BTBD7: variants seen among roughly 807,000 people sequenced by gnomAD.
BTBD7 encodes BTB/POZ domain-containing protein 7.
Under a neutral mutation model 99.9 loss-of-function variants are expected in BTBD7, and 38 were observed. The ratio of observed to expected loss-of-function variants is 0.38; its 90% confidence interval spans 0.29 to 0.50. BTBD7 has a LOEUF of 0.50. Among genes scored for constraint, BTBD7 ranks in the 20% least tolerant of loss-of-function variants. The pLI, the probability that BTBD7 is intolerant of heterozygous loss-of-function variation, is 0.93. For missense variants in BTBD7, 1,170 were observed against 1,394.6 expected (o/e 0.84, Z 2.57); for synonymous variants, 520 against 511.4 (o/e 1.02, Z -0.23).
chr14:93,311,741 TTTAA>T (rs1314006469), intron 1 of BTBD7, among the ~76,000 whole-genome samples: 2 of 130,014 alleles, frequency 1.5e-5, no homozygotes, highest in African/African-American at 3.2e-5. Context: ...TGAAAATATT[TTTAA>T]TTTTTTTTTT....
chr14:93,329,109 G>GA (rs1386612981), intron 1 of BTBD7, among the ~76,000 whole-genome samples: 2 of 152,164 alleles, frequency 1.3e-5, no homozygotes, highest in East Asian at 3.9e-4. Context: ...CAGAATGGGA[G>GA]AAAACATTTG....
At chr14:93,258,081 T>A (rs566153690) in intron 5 of BTBD7, among the ~76,000 whole-genome samples, 1 of 152,260 alleles carries the variant, frequency 6.6e-6, no homozygotes, top group Non-Finnish European at 1.5e-5. Context: ...ATCATGGCTT[T>A]AATCTAGGGG....
At chr14:93,291,265 C>T (rs1266181402) in intron 3 of BTBD7, among the ~76,000 whole-genome samples, 1 of 152,094 alleles carries the variant, frequency 6.6e-6, no homozygotes, top group East Asian at 1.9e-4. Flanking sequence ...ACAGGTGCTA[C>T]TCAGATCATT....
intron 7 of BTBD7, among the ~76,000 whole-genome samples, chr14:93,252,900 T>C (rs2052385021): frequency 2.0e-5 from 3 of 152,052 alleles, no homozygotes; most frequent in African/African-American, 7.2e-5. Context: ...CGGCTCACTG[T>C]GCAGCCTTTG....
chr14:93,267,241 C>A (rs115952948), intron 3 of BTBD7, among the ~76,000 whole-genome samples: 1 of 152,086 alleles, frequency 6.6e-6, no homozygotes, highest in Non-Finnish European at 1.5e-5. Context: ...GTTTACAAAG[C>A]AGCAGGATAC....
chr14:93,330,801 T>A (rs1256498248), intron 1 of BTBD7, among the ~76,000 whole-genome samples: 1 of 152,256 alleles, frequency 6.6e-6, no homozygotes, highest in Non-Finnish European at 1.5e-5. Context: ...AAGGTTTACC[T>A]GAGACACACT....
chr14:93,253,918 G>C, intron 6 of BTBD7, 128 bp from the exon 7 acceptor site: 1 of 502,824 alleles, frequency 2.0e-6, no homozygotes, highest in Non-Finnish European at 3.0e-6. Flanking sequence ...ATTTAGAAAT[G>C]TATATGAAAT....
chr14:93,289,075 G>T (rs2052815323), intron 3 of BTBD7, among the ~76,000 whole-genome samples: 1 of 152,096 alleles, frequency 6.6e-6, no homozygotes, highest in Admixed American at 6.5e-5. Flanking sequence ...GGCGAATTGA[G>T]GGGGCGGGGA....
Position 93,300,758 on chromosome 14 carries a change from GTGTGTGTGTGTGTGTATATATA to G in BTBD7, c.-106-4623_-106-4602del, listed in dbSNP as rs1566857127. On this transcript the variant is annotated intron_variant, in intron 1 of 10. Transcript: ENST00000334746. ...TGTGTGTGTGTGTGTGTGTGTGTGT[GTGTGTGTGTGTGTGTATATATA>G]TATATATTTTTTTTTTGTAGAGATA... 2.7e-4 allele frequency among the ~76,000 whole-genome samples: 12 copies of G among 44,004 alleles called. 1 individual carries two copies. The highest frequency in any genetic ancestry group is 5.5e-4 in the East Asian group (1 of 1,808). The allele number at this position is 44,004 out of a possible 152,430, so 28.9% of individuals were successfully genotyped here.
chr14:93,312,502 T>C (rs1458913679), intron 1 of BTBD7, among the ~76,000 whole-genome samples: 2 of 152,212 alleles, frequency 1.3e-5, no homozygotes, highest in Non-Finnish European at 2.9e-5. Context: ...AATTTAAGCA[T>C]ATCCTTAGAA....
intron 1 of BTBD7, among the ~76,000 whole-genome samples, chr14:93,325,558 G>A (rs761762300): frequency 6.6e-6 from 1 of 152,106 alleles, no homozygotes; most frequent in Non-Finnish European, 1.5e-5. Flanking sequence ...ATAAGGGAGT[G>A]GCAATAGAGA....
chr14:93,321,743 A>G (rs2053272587), intron 1 of BTBD7, among the ~76,000 whole-genome samples: 1 of 152,092 alleles, frequency 6.6e-6, no homozygotes, highest in African/African-American at 2.4e-5. Flanking sequence ...CCATTTCTAA[A>G]CTGTATGATC....
chr14:93,332,440 G>A (rs116718350), intron 1 of BTBD7: 1,712 of 156,100 alleles, frequency 0.011, 34 homozygotes, highest in African/African-American at 0.039. Context: ...TCTCGGGAGC[G>A]GTTTCTCAGC....
rs1566833352 is a variant in BTBD7 at position 93,245,943 on chromosome 14, G to C, written c.2465C>G (p.Ala822Gly). Residue 822 changes from alanine (A) to glycine (G), a missense_variant, in exon 10 of 11, where the codon GCT becomes GGT. Around this residue, in one of 4 missense-constraint regions of BTBD7, gnomAD observed 495 missense variants for 525.9 expected, o/e 0.94. Transcript: ENST00000334746. The part of the protein sequence containing the change: ...PPPVYLPSVK[A>G]APPDCTSTAG... ...AGTGCTGGTACAATCAGGCGGTGCA[G>C]CTTTCACACTCGGCAAGTAGACTGG... 6.2e-7 allele frequency: 1 copy of C among 1,614,176 alleles called. No individual in the cohort carries two copies. Among genetic ancestry groups the C allele is most frequent in the Non-Finnish European group, 8.5e-7 (1 of 1,180,028 alleles).
intron 3 of BTBD7, among the ~76,000 whole-genome samples, chr14:93,278,682 G>A (rs965875490): frequency 1.3e-5 from 2 of 152,160 alleles, no homozygotes; most frequent in Non-Finnish European, 1.5e-5. Context: ...GTGGAAGTAC[G>A]TATTTTATAA....
intron 3 of BTBD7, among the ~76,000 whole-genome samples, chr14:93,268,798 G>A (rs374582582): frequency 4.3e-5 from 5 of 115,992 alleles, no homozygotes; most frequent in South Asian, 2.8e-4. Context: ...TTGCTCAGCC[G>A]CCCAGGCTGG....
chr14:93,248,883 GTAT>G (rs2139681336), intron 8 of BTBD7, among the ~76,000 whole-genome samples: 1 of 152,300 alleles, frequency 6.6e-6, no homozygotes, highest in African/African-American at 2.4e-5. Context: ...AGCCCGAGTT[GTAT>G]TATTTAGTTT....
At chr14:93,281,289 G>A (rs546212291) in intron 3 of BTBD7, among the ~76,000 whole-genome samples, 12 of 151,612 alleles carry the variant, frequency 7.9e-5, no homozygotes, top group African/African-American at 2.2e-4. Flanking sequence ...GGCATGAGCC[G>A]CTGTGCCCTA....
chr14:93,332,700 G>T (rs2053461634), intron 1 of BTBD7, 120 bp downstream of exon 1: 6 of 1,299,026 alleles, frequency 4.6e-6, no homozygotes, highest in Non-Finnish European at 5.9e-6. Context: ...TCCCGCGGCG[G>T]CTTGGCCCCA....
Sources: allele counts gnomAD v4.1 joint callset (sites outside exome capture counted in the v4.1 genomes callset), GRCh38; gene constraint gnomAD v4.1.1; regional missense constraint gnomAD v4.1.1; transcripts MANE v1.5; gene names NCBI Gene and HGNC (gene_info 2026-07-23, HGNC 2026-07-21).